The following KCNN3 variants were observed in gnomAD, a reference collection of about 807,000 sequenced individuals.
KCNN3 encodes the protein potassium calcium-activated channel subfamily N member 3.
A neutral mutation model predicts 62.9 loss-of-function variants in KCNN3; 16 were observed. That is an observed-to-expected ratio of 0.25 (90% CI 0.17 to 0.39). The LOEUF is 0.39. Among genes scored for constraint, KCNN3 ranks in the 10% least tolerant of loss-of-function variants. The pLI is 1.00. For missense variants in KCNN3, 599 were observed against 949.4 expected (o/e 0.63, Z 4.85); for synonymous variants, 370 against 389.2 (o/e 0.95, Z 0.58).
intron 2 of KCNN3, among the ~76,000 whole-genome samples, chr1:154,796,955 A>G (rs1449862710): frequency 3.3e-5 from 5 of 152,250 alleles, no homozygotes; most frequent in African/African-American, 4.8e-5. Flanking sequence ...ACTTAAATGT[A>G]TCTAATCCCG....
chr1:154,823,081 A>G (rs1650970282), intron 1 of KCNN3, among the ~76,000 whole-genome samples: 1 of 152,190 alleles, frequency 6.6e-6, no homozygotes, highest in African/African-American at 2.4e-5. Context: ...TAAAGGAGTT[A>G]ATGTATGCAA....
At chr1:154,763,249 T>C (rs1648105164) in intron 3 of KCNN3, among the ~76,000 whole-genome samples, 1 of 152,220 alleles carries the variant, frequency 6.6e-6, no homozygotes, top group Admixed American at 6.5e-5. Flanking sequence ...TTATAAATTA[T>C]GTTTTTCTGG....
At chr1:154,714,251 T>TGTGTGTGATGTGTG (rs1700158859) in intron 6 of KCNN3, among the ~76,000 whole-genome samples, 1 of 133,208 alleles carries the variant, frequency 7.5e-6, no homozygotes, top group African/African-American at 2.9e-5. Context: ...GTGTGTATGG[T>TGTGTGTGATGTGTG]GTGTGTGATG....
intron 1 of KCNN3, among the ~76,000 whole-genome samples, chr1:154,832,294 G>C (rs187129725): frequency 6.6e-6 from 1 of 151,882 alleles, no homozygotes; most frequent in East Asian, 2.0e-4. Context: ...AGTCCCTACA[G>C]CCTCCTCTGG....
intron 7 of KCNN3, among the ~76,000 whole-genome samples, 183 bp from the exon 8 acceptor site, chr1:154,708,455 G>A (rs1227643547): frequency 6.6e-6 from 1 of 151,892 alleles, no homozygotes; most frequent in Non-Finnish European, 1.5e-5. Context: ...GCACATTTTT[G>A]TTTTCTTATT....
intron 3 of KCNN3, among the ~76,000 whole-genome samples, chr1:154,753,458 A>G (rs1233614710): frequency 6.6e-6 from 1 of 152,244 alleles, no homozygotes; most frequent in Non-Finnish European, 1.5e-5. Context: ...TCCAAGCTGA[A>G]AGAAAAACTT....
intron 5 of KCNN3, among the ~76,000 whole-genome samples, chr1:154,724,580 G>A (rs1700421867): frequency 6.6e-6 from 1 of 152,160 alleles, no homozygotes; most frequent in Non-Finnish European, 1.5e-5. Flanking sequence ...TGAATAAACA[G>A]CTCCTGCCTT....
chr1:154,814,410 G>T (rs151194117), intron 2 of KCNN3, among the ~76,000 whole-genome samples: 2 of 152,302 alleles, frequency 1.3e-5, no homozygotes, highest in African/African-American at 2.4e-5. Flanking sequence ...GGAGTTGCAG[G>T]CAAGAAATAG....
In KCNN3 at chr1:154,778,339, T is replaced by C. The variant is rs141477164; in HGVS notation, c.1030-5946A>G. 3.9e-5 allele frequency among the ~76,000 whole-genome samples: 6 copies of C among 152,326 alleles called. No homozygotes were observed. The East Asian group carries it at 1.2e-3, about 29-fold the overall frequency. On this transcript the variant is annotated intron_variant, in intron 2 of 7. Transcript: ENST00000271915. ...GGTTAGGCCATTGTGGGTATATAAA[T>C]CTGAATCAAACACATGTCCCATGAA...
At position 154,840,744 on chromosome 1, in the gene KCNN3, T is replaced by C. The variant is rs561506049; in HGVS notation, c.934-18560A>G. Reference sequence around the variant, plus strand: ...ACTTCCTGTCAGGACAGCTGAGGAATCTGGAGAAATGTGTCTTCCCTCACA... The same window carrying C: ...ACTTCCTGTCAGGACAGCTGAGGAACCTGGAGAAATGTGTCTTCCCTCACA... On this transcript the variant is annotated intron_variant, in intron 1 of 7. Coordinates refer to ENST00000271915, the MANE Select transcript of KCNN3 (RefSeq NM_002249.6). Among the ~76,000 whole-genome samples, 27 of 152,326 alleles carry C rather than the reference T, an allele frequency of 1.8e-4. No homozygotes were observed. The South Asian group carries it at 2.7e-3, about 15-fold the overall frequency.
chr1:154,810,870 G>T (rs1571299384), intron 2 of KCNN3, among the ~76,000 whole-genome samples: 1 of 152,244 alleles, frequency 6.6e-6, no homozygotes, highest in East Asian at 1.9e-4. Flanking sequence ...TCTCCCCCAG[G>T]CAGGGCAACC....
chr1:154,848,571 C>A (rs1024018961), intron 1 of KCNN3, among the ~76,000 whole-genome samples: 1 of 152,130 alleles, frequency 6.6e-6, no homozygotes, highest in African/African-American at 2.4e-5. Context: ...ACCAGCTTCA[C>A]GGGCAGGGGG....
intron 3 of KCNN3, among the ~76,000 whole-genome samples, chr1:154,736,035 T>C (rs1700705435): frequency 6.6e-6 from 1 of 152,116 alleles, no homozygotes; most frequent in Non-Finnish European, 1.5e-5. Context: ...TGAAGAAATG[T>C]GGTTGAGGCA....
rs1487924073 is a variant in KCNN3 at position 154,707,545 on chromosome 1, CA to C, written c.*430del. On this transcript the variant is annotated 3_prime_UTR_variant, in exon 8 of 8. Coordinates refer to ENST00000271915, the MANE Select transcript of KCNN3 (RefSeq NM_002249.6). Reference sequence around the variant, plus strand: ...CAAAAGGAAAGGAGAGAGGTGTGTTCAAAGACCCCCATGGCGAAGAGCCCAT... The same window carrying C: ...CAAAAGGAAAGGAGAGAGGTGTGTTCAAGACCCCCATGGCGAAGAGCCCAT... 6.3e-6 allele frequency: 1 copy of C among 158,164 alleles called. No homozygotes were observed. Among genetic ancestry groups the C allele is most frequent in the East Asian group, 1.9e-4 (1 of 5,260 alleles). The allele number at this position is 158,164 out of a possible 1,614,324, so 9.8% of individuals were successfully genotyped here. A position where few individuals can be genotyped will look rare whatever the true frequency, so the allele number is the denominator to read the frequency against.
chr1:154,722,589 T>C (rs1280969394), intron 5 of KCNN3, among the ~76,000 whole-genome samples: 1 of 152,032 alleles, frequency 6.6e-6, no homozygotes, highest in East Asian at 1.9e-4. Context: ...AGACAGCGTT[T>C]CACTGTGTTA....
chr1:154,710,609 T>A (rs1026752005), intron 7 of KCNN3, among the ~76,000 whole-genome samples: 11 of 152,206 alleles, frequency 7.2e-5, no homozygotes, highest in Non-Finnish European at 1.3e-4. Context: ...GTGGGCCCCA[T>A]CTCTCCAAGA....
rs1469533830 is a variant in KCNN3, at chr1:154,706,336, C to T, written c.*1640G>A. On this transcript the variant is annotated 3_prime_UTR_variant, in exon 8 of 8. Transcript: ENST00000271915. Reference sequence around the variant, plus strand: ...TACAAAGGTAAACCCAAGATGACAACCACAAGCAAAAAAATCACCCTTTTG... The same window carrying T: ...TACAAAGGTAAACCCAAGATGACAATCACAAGCAAAAAAATCACCCTTTTG... The T allele has an allele frequency of 1.3e-5, 2 of 152,136 alleles. No individual in the cohort carries two copies. The highest frequency in any genetic ancestry group is 4.8e-5 in the African/African-American group (2 of 41,414). 9.4% of individuals were successfully genotyped at this position (152,136 alleles called of 1,614,324 possible).
At chr1:154,719,178 C>T (rs892127938) in intron 5 of KCNN3, among the ~76,000 whole-genome samples, 1 of 152,140 alleles carries the variant, frequency 6.6e-6, no homozygotes, top group Non-Finnish European at 1.5e-5. Context: ...TTCCAGGGGT[C>T]CCATTAGCAG....
In KCNN3 at chr1:154,862,173, T is replaced by C. The variant is rs1652794027; in HGVS notation, c.933+6859A>G. On this transcript the variant is annotated intron_variant, in intron 1 of 7. Coordinates refer to ENST00000271915, the MANE Select transcript of KCNN3 (RefSeq NM_002249.6). The surrounding 1 kb of genome is among the most constrained non-coding windows in gnomAD (Gnocchi z 4.1). The stretch of plus-strand genomic sequence containing the variant: ...ATCAGAAGTGTACTGAGACCTGAGC[T>C]CTCATTCTAGAACCCTCTCTTTCCT... Among the ~76,000 whole-genome samples, 1 of 152,144 alleles carries C rather than the reference T, an allele frequency of 6.6e-6. No homozygotes were observed. The highest frequency in any genetic ancestry group is 2.4e-5 in the African/African-American group (1 of 41,412).
Sources: gnomAD v4.1 joint callset for allele counts (sites outside exome capture counted in the v4.1 genomes callset) on GRCh38, gnomAD v4.1.1 for gene constraint, Gnocchi (gnomAD v3.1) non-coding constraint, MANE v1.5 for transcripts, NCBI Gene and HGNC (gene_info 2026-07-23, HGNC 2026-07-21) for gene names.